Variants in GRIFIN observed in about 807,000 individuals in gnomAD.
The protein encoded by GRIFIN is putative grifin.
Under a neutral mutation model 18.2 loss-of-function variants are expected in GRIFIN, and 22 were observed. The observed-to-expected ratio is 1.21, with a 90% CI of 0.86 to 1.73. GRIFIN has a LOEUF of 1.73. Ranked by LOEUF, GRIFIN falls within the 40% of genes most tolerant of loss-of-function variation. The pLI, the probability that GRIFIN is intolerant of heterozygous loss-of-function variation, is 0.00. For synonymous variants in GRIFIN, 101 were observed against 82.8 expected, an observed-to-expected ratio of 1.22 and a Z score of -1.19; for missense variants, 200 against 190.1, an observed-to-expected ratio of 1.05 and a Z score of -0.31.
In GRIFIN at chr7:2,476,103, C is replaced by T. The variant is rs1324437813; in HGVS notation, c.13-104G>A. ...TCTGTCCAGGAAGGTCCCTGCCCAC[C>T]CAGCCTGCCCCCAACCCAGTGCCAG... On this transcript the variant is annotated intron_variant, in intron 1 of 4. Coordinates refer to ENST00000614228, the MANE Select transcript of GRIFIN (RefSeq NM_001394787.1). 4 of 992,596 alleles carry T rather than the reference C, an allele frequency of 4.0e-6. No homozygotes were observed. In the African/African-American group the frequency reaches 6.5e-5, roughly 16 times the overall value. The allele number at this position is 992,596 out of a possible 1,614,324, so 61.5% of individuals were successfully genotyped here. A position where few individuals can be genotyped will look rare whatever the true frequency, so the allele number is the denominator to read the frequency against.
chr7:2,475,096 T>C, intron 4 of GRIFIN, 45 bp downstream of exon 4: 1 of 1,535,094 alleles, frequency 6.5e-7, no homozygotes, highest in Non-Finnish European at 8.7e-7. Context: ...GTGGGCAGTG[T>C]GGGGCAGGAA....
intron 3 of GRIFIN, 151 bp downstream of exon 3, chr7:2,475,518 C>G (rs1280718336): frequency 4.3e-6 from 5 of 1,168,242 alleles, no homozygotes; most frequent in Non-Finnish European, 5.8e-6. Context: ...ACCTACTGCA[C>G]ACGTAGGGAA....
Position 2,475,239 on chromosome 7 carries a change from T to C in GRIFIN, c.321A>G (p.Pro107=). 1 of 1,597,524 alleles carries C rather than the reference T, an allele frequency of 6.3e-7. No homozygotes were observed. The highest frequency in any genetic ancestry group is 8.5e-7 in the Non-Finnish European group (1 of 1,179,172). ...TGGCGCCCAGCGGCCTCTGACGGCATGGGAACTGTAGCACCTTGTGCTCCG... is the reference window on the plus strand; with the variant it reads ...TGGCGCCCAGCGGCCTCTGACGGCACGGGAACTGTAGCACCTTGTGCTCCG... The part of the protein sequence containing the change: ...YAPEHKVLQF[P]CRQRPLGATT... The change falls in exon 4 of 5, where the codon CCA becomes CCG. Residue 107 remains proline, a synonymous_variant. Coordinates refer to ENST00000614228, the MANE Select transcript of GRIFIN (RefSeq NM_001394787.1).
At chr7:2,475,400 C>T (rs1778941630) in intron 3 of GRIFIN, 93 bp from the exon 4 acceptor site, 1 of 1,448,392 alleles carries the variant, frequency 6.9e-7, no homozygotes, top group East Asian at 2.5e-5. Flanking sequence ...CGGCCGTCTC[C>T]AGGAAGGACA....
At position 2,475,677 on chromosome 7, in the gene GRIFIN, G is replaced by A. The variant is rs1292027076; in HGVS notation, c.244C>T (p.Pro82Ser). ...ACCCAGGCCCCTGTCACCTCAAAGG[G>A]CTCCCCCGGGGCCAGCGGGAAGATG... Reference protein sequence around the residue: ...SSIFPLAPGEPFEIEVSWDAE... With the variant: ...SSIFPLAPGESFEIEVSWDAE... Residue 82 changes from proline to serine, a missense_variant, in exon 3 of 5, where the codon CCC becomes TCC. By Grantham distance (74) the Pro-to-Ser change is moderately conservative. Coordinates refer to ENST00000614228, the MANE Select transcript of GRIFIN (RefSeq NM_001394787.1). 6.6e-7 allele frequency: 1 copy of A among 1,507,054 alleles called. No homozygotes were observed. The highest frequency in any genetic ancestry group is 8.9e-7 in the Non-Finnish European group (1 of 1,127,692). The allele number at this position is 1,507,054 out of a possible 1,614,324, so 93.4% of individuals were successfully genotyped here. A position where few individuals can be genotyped will look rare whatever the true frequency, so the allele number is the denominator to read the frequency against.
In GRIFIN at chr7:2,476,014, CA is replaced by C. The variant is rs1778958625; in HGVS notation, c.13-16del. The stretch of plus-strand genomic sequence containing the variant: ...AAGGCTTTAGACTGAGTGGAAGAGA[CA>C]GGGGGACCAGCCTCATGGGGCTGCA... On this transcript the variant is annotated splice_polypyrimidine_tract_variant and intron_variant, in intron 1 of 4. Coordinates refer to ENST00000614228, the MANE Select transcript of GRIFIN (RefSeq NM_001394787.1). The C allele has an allele frequency of 6.3e-7, 1 of 1,594,272 alleles. No homozygotes were observed. The highest frequency in any genetic ancestry group is 1.3e-5 in the African/African-American group (1 of 74,806).
In GRIFIN at chr7:2,475,139, AC is replaced by A. The variant is rs1315557555; in HGVS notation, c.419+1del. The A allele has an allele frequency of 3.8e-6, 6 of 1,576,590 alleles. No individual in the cohort carries two copies. Among genetic ancestry groups the A allele is most frequent in the Non-Finnish European group, 5.1e-6 (6 of 1,169,564 alleles). ...GGACCTGGGTAGAGGCAGGGACTTT[AC>A]CCCCAGCTCAGGCCCCTCTTGGCCA... On this transcript the variant is annotated splice_donor_variant, in intron 4 of 4. Coordinates refer to ENST00000614228, the MANE Select transcript of GRIFIN (RefSeq NM_001394787.1). LOFTEE classifies it high-confidence loss of function.
chr7:2,476,050 C>G (rs1778959335), intron 1 of GRIFIN, 51 bp from the exon 2 acceptor site: 5 of 1,481,294 alleles, frequency 3.4e-6, no homozygotes, highest in East Asian at 4.6e-5. Flanking sequence ...AGCCTCCTCC[C>G]TCCCACCCCC....
In GRIFIN at chr7:2,475,816, G is replaced by T; in HGVS notation, c.105C>A (p.Asn35Lys). The change falls in exon 3 of 5, where the codon AAC (asparagine) becomes AAA (lysine). Residue 35 changes from asparagine to lysine, a missense_variant. Physicochemically the swap from Asn to Lys is moderately conservative, Grantham distance 94 (BLOSUM62 0). Coordinates refer to ENST00000614228, the MANE Select transcript of GRIFIN (RefSeq NM_001394787.1). ...ADSGEDRFETNFLLETGDIAF... is the reference protein window; with the variant it reads ...ADSGEDRFETKFLLETGDIAF... ...CAATGTCCCCCGTCTCCAACAAGAA[G>T]TTAGTCTCGAACCTGGGGCGGACAT... 6.4e-7 allele frequency: 1 copy of T among 1,573,642 alleles called. No homozygotes were observed. Among genetic ancestry groups the T allele is most frequent in the Non-Finnish European group, 8.6e-7 (1 of 1,161,182 alleles).
At chr7:2,476,320 G>A (rs1453281802) in intron 1 of GRIFIN, 52 bp downstream of exon 1, 2 of 1,543,846 alleles carry the variant, frequency 1.3e-6, no homozygotes, top group Non-Finnish European at 1.7e-6. Context: ...GTGGCTCAGG[G>A]AGCCCCCAGC....
Position 2,474,777 on chromosome 7 carries a change from C to T in GRIFIN, c.*93G>A. The T allele has an allele frequency of 2.2e-6, 1 of 452,956 alleles. No individual in the cohort carries two copies. The highest frequency in any genetic ancestry group is 3.9e-6 in the Non-Finnish European group (1 of 256,314). 28.1% of individuals were successfully genotyped at this position (452,956 alleles called of 1,614,324 possible). A position where few individuals can be genotyped will look rare whatever the true frequency, so the allele number is the denominator to read the frequency against. On this transcript the variant is annotated 3_prime_UTR_variant, in exon 5 of 5. Coordinates refer to ENST00000614228, the MANE Select transcript of GRIFIN (RefSeq NM_001394787.1). ...TGGAGCTGCGAGGAGCACACAGGAC[C>T]ACAGACCCCCTCACCCAGCTGCCCC...
rs1449005928 is a variant in GRIFIN at position 2,475,177 on chromosome 7, G to A, written c.383C>T (p.Ala128Val). The change falls in exon 4 of 5, where the codon GCC becomes GTC. Residue 128 changes from alanine (A) to valine (V), a missense_variant. Ala to Val is a moderately conservative substitution (Grantham distance 64). Transcript: ENST00000614228. ...RVRVLSDHCL[A>V]QVELAKRGLS... ...GCCCCTCTTGGCCAGCTCCACCTGG[G>A]CCAGGCAGTGGTCACTCAGCACGCG... 6.9e-6 allele frequency: 11 copies of A among 1,591,574 alleles called. No homozygotes were observed. In the South Asian group the frequency reaches 1.1e-4, roughly 16 times the overall value.
In GRIFIN at chr7:2,476,017, G is replaced by T; in HGVS notation, c.13-18C>A. 1.3e-6 allele frequency: 2 copies of T among 1,594,136 alleles called. No homozygotes were observed. The highest frequency in any genetic ancestry group is 1.7e-6 in the Non-Finnish European group (2 of 1,177,452). The stretch of plus-strand genomic sequence containing the variant: ...GCTTTAGACTGAGTGGAAGAGACAG[G>T]GGGACCAGCCTCATGGGGCTGCAGC... On this transcript the variant is annotated intron_variant, in intron 1 of 4. Coordinates refer to ENST00000614228, the MANE Select transcript of GRIFIN (RefSeq NM_001394787.1).
chr7:2,476,276 G>T (rs1413747464), intron 1 of GRIFIN, 96 bp downstream of exon 1: 16 of 1,401,818 alleles, frequency 1.1e-5, no homozygotes, highest in Non-Finnish European at 1.5e-5. Flanking sequence ...AGAGGCCAGA[G>T]CCCATACCCC....
intron 4 of GRIFIN, 105 bp from the exon 5 acceptor site, chr7:2,474,990 G>T (rs1778929881): frequency 1.4e-5 from 12 of 870,956 alleles, no homozygotes; most frequent in Non-Finnish European, 2.1e-5. Flanking sequence ...TGCAGGGCTG[G>T]CAGGGAGAGG....
Position 2,475,820 on chromosome 7 carries a change from G to A in GRIFIN, c.101C>T (p.Thr34Ile). 6.4e-7 allele frequency: 1 copy of A among 1,574,112 alleles called. No individual in the cohort carries two copies. Among genetic ancestry groups the A allele is most frequent in the Non-Finnish European group, 8.6e-7 (1 of 1,161,514 alleles). ...GTCCCCCGTCTCCAACAAGAAGTTA[G>A]TCTCGAACCTGGGGCGGACATGGTG... is the stretch of plus-strand genomic sequence containing the variant. Reference protein sequence around the residue: ...HADSGEDRFETNFLLETGDIA... With the variant: ...HADSGEDRFEINFLLETGDIA... Residue 34 changes from threonine (T) to isoleucine (I), a missense_variant, in exon 3 of 5, where the codon ACT becomes ATT. Transcript: ENST00000614228.
rs1019089155 is a variant in GRIFIN, at chr7:2,474,821, C to T, written c.*49G>A. 2.1e-6 allele frequency: 1 copy of T among 475,380 alleles called. No homozygotes were observed. Among genetic ancestry groups the T allele is most frequent in the Admixed American group, 3.5e-5 (1 of 28,708 alleles). The allele number at this position is 475,380 out of a possible 1,614,324, so 29.4% of individuals were successfully genotyped here. On this transcript the variant is annotated 3_prime_UTR_variant, in exon 5 of 5. Transcript: ENST00000614228. Reference sequence around the variant, plus strand: ...CTGCCCCAGGGTGGGACTCCAGGTACCCTGGACATGGGACAAGCCGAGGCT... The same window carrying T: ...CTGCCCCAGGGTGGGACTCCAGGTATCCTGGACATGGGACAAGCCGAGGCT...
At position 2,476,370 on chromosome 7, in the gene GRIFIN, AC is replaced by A; in HGVS notation, c.12+1del. On this transcript the variant is annotated splice_donor_variant, in intron 1 of 4. Coordinates refer to ENST00000614228, the MANE Select transcript of GRIFIN (RefSeq NM_001394787.1). LOFTEE classifies it high-confidence loss of function. ...CTTCTCCAGGTCCAGGGTCTCACCC[AC>A]CTGCACTGCCATCTGCTCCCAGCCA... 1 of 1,565,366 alleles carries A rather than the reference AC, an allele frequency of 6.4e-7. No homozygotes were observed. The highest frequency in any genetic ancestry group is 8.6e-7 in the Non-Finnish European group (1 of 1,165,268).
rs1489388693 is a variant in GRIFIN, at chr7:2,476,368, C to T, written c.12+4G>A. On this transcript the variant is annotated splice_donor_region_variant and intron_variant, in intron 1 of 4. Coordinates refer to ENST00000614228, the MANE Select transcript of GRIFIN (RefSeq NM_001394787.1). ...TCCTTCTCCAGGTCCAGGGTCTCAC[C>T]CACCTGCACTGCCATCTGCTCCCAG... 2.3e-5 allele frequency: 36 copies of T among 1,577,736 alleles called. No homozygotes were observed. The highest frequency in any genetic ancestry group is 3.1e-5 in the Non-Finnish European group (36 of 1,170,890).
Sources: gnomAD v4.1 joint callset for allele counts on GRCh38, gnomAD v4.1.1 for gene constraint, MANE v1.5 for transcripts, NCBI Gene and HGNC (gene_info 2026-07-23, HGNC 2026-07-21) for gene names.